Variants in PITX3 observed in about 807,000 individuals in gnomAD.
PITX3 encodes paired like homeodomain 3, also known as pituitary homeobox 3.
A neutral mutation model predicts 14.2 loss-of-function variants in PITX3; 4 were observed. The observed-to-expected ratio is 0.28, with a 90% CI of 0.14 to 0.65. The LOEUF is 0.65. Among genes scored for constraint, PITX3 ranks in the 30% least tolerant of loss-of-function variants. PITX3 has a pLI of 0.82. For synonymous variants in PITX3, 194 were observed against 204.5 expected (o/e 0.95, Z 0.44); for missense variants, 358 against 426.8 (o/e 0.84, Z 1.42).
intron 1 of PITX3, among the ~76,000 whole-genome samples, chr10:102,236,100 C>T (rs2070386961): frequency 6.6e-6 from 1 of 152,164 alleles, no homozygotes; most frequent in Admixed American, 6.5e-5. Context: ...GGGGCATAGA[C>T]CTCTAGCCGA....
At chr10:102,233,306 T>TC (rs1191786381) in intron 1 of PITX3, among the ~76,000 whole-genome samples, 1 of 138,032 alleles carries the variant, frequency 7.2e-6, no homozygotes. Flanking sequence ...TTTTCCTTCT[T>TC]TTTTTTTTTT....
At chr10:102,231,191 C>T in intron 3 of PITX3, 90 bp from the exon 4 acceptor site, 3 of 1,270,714 alleles carry the variant, frequency 2.4e-6, no homozygotes, top group Non-Finnish European at 3.1e-6. Context: ...CCAGCCGGGG[C>T]CCTGCGGTCA....
At chr10:102,234,768 G>T (rs1338763262) in intron 1 of PITX3, among the ~76,000 whole-genome samples, 2 of 152,186 alleles carry the variant, frequency 1.3e-5, no homozygotes, top group African/African-American at 2.4e-5. Flanking sequence ...GGGAAAAGCA[G>T]TCCCACCCTT....
Position 102,231,957 on chromosome 10 carries a change from G to A in PITX3, c.118+6C>T, listed in dbSNP as rs758911309. The A allele has an allele frequency of 8.1e-6, 13 of 1,601,616 alleles. No individual in the cohort carries two copies. The Admixed American group carries it at 8.3e-5, about 10-fold the overall frequency. On this transcript the variant is annotated splice_donor_region_variant and intron_variant, in intron 2 of 3. Coordinates refer to ENST00000370002, the MANE Select transcript of PITX3 (RefSeq NM_005029.4). ...GTCCTGCACCCCCGGAAGGGGGCGC[G>A]CTTACCGCTGTGCTCCTGGCCCTTG...
Position 102,230,963 on chromosome 10 carries a change from C to T in PITX3, c.460G>A (p.Gly154Ser), listed in dbSNP as rs778718804. ...GCAAGAGCCTTGGGCGGCCAGTTGC[C>T]GTACGAGTAGCCGGGGTACACCTCC... ...YEEVYPGYSY[G>S]NWPPKALAPP... Residue 154 changes from glycine to serine, a missense_variant, in exon 4 of 4, where the codon GGC (glycine) becomes AGC (serine). By Grantham distance (56) the Gly-to-Ser change is moderately conservative. Coordinates refer to ENST00000370002, the MANE Select transcript of PITX3 (RefSeq NM_005029.4). 4 of 1,607,874 alleles carry T rather than the reference C, an allele frequency of 2.5e-6. No homozygotes were observed. The highest frequency in any genetic ancestry group is 3.4e-6 in the Non-Finnish European group (4 of 1,178,060).
chr10:102,234,046 C>A (rs935884124), intron 1 of PITX3, among the ~76,000 whole-genome samples: 3 of 152,168 alleles, frequency 2.0e-5, no homozygotes, highest in African/African-American at 2.4e-5. Flanking sequence ...GTGGGAGGGG[C>A]CTCTCTGCCT....
In PITX3 at chr10:102,231,806, G is replaced by T; in HGVS notation, c.119-16C>A. On this transcript the variant is annotated splice_polypyrimidine_tract_variant and intron_variant, in intron 2 of 3. Transcript: ENST00000370002. ...TTTTCTGAGTCTGGGGGCCAGGGTG[G>T]GGGCAGGTCACAGAGCGCCCAAGCC... The T allele has an allele frequency of 6.3e-7, 1 of 1,594,668 alleles. No homozygotes were observed. Among genetic ancestry groups the T allele is most frequent in the Non-Finnish European group, 8.5e-7 (1 of 1,175,146 alleles).
chr10:102,237,177 G>C (rs1209574452), intron 1 of PITX3, among the ~76,000 whole-genome samples: 3 of 151,884 alleles, frequency 2.0e-5, no homozygotes, highest in Non-Finnish European at 2.9e-5. Context: ...AGTGTAGGGA[G>C]GCAAACAGAG....
Position 102,231,570 on chromosome 10 carries a change from C to A in PITX3, c.321+18G>T, listed in dbSNP as rs570792964. ...GGAGGGCCCGCGCGGGTGCGAGTCG[C>A]GGGTCTGGAGAGCATACCCGCACGC... On this transcript the variant is annotated intron_variant, in intron 3 of 3. Transcript: ENST00000370002. The A allele has an allele frequency of 2.0e-6, 3 of 1,534,518 alleles. No homozygotes were observed. The South Asian group carries it at 3.5e-5, about 18-fold the overall frequency.
rs768978214 is a variant in PITX3 at position 102,231,620 on chromosome 10, C to T, written c.289G>A (p.Val97Met). Residue 97 changes from valine to methionine, a missense_variant, in exon 3 of 4, where the codon GTG becomes ATG. Around this residue, in one of 3 missense-constraint regions of PITX3, gnomAD observed 50 missense variants for 96.7 expected, o/e 0.52. Transcript: ENST00000370002. The part of the protein sequence containing the change: ...PDMSTREEIA[V>M]WTNLTEARVR... The stretch of plus-strand genomic sequence containing the variant: ...CGGGCCTCGGTGAGGTTGGTCCACA[C>T]GGCGATCTCCTCGCGCGTGCTCATG... The T allele has an allele frequency of 6.2e-7, 1 of 1,610,416 alleles. No individual in the cohort carries two copies. Among genetic ancestry groups the T allele is most frequent in the Non-Finnish European group, 8.5e-7 (1 of 1,178,352 alleles).
chr10:102,238,681 A>G (rs1407539812), intron 1 of PITX3, among the ~76,000 whole-genome samples: 1 of 152,164 alleles, frequency 6.6e-6, no homozygotes, highest in African/African-American at 2.4e-5. Flanking sequence ...TCACAGACAT[A>G]ATTTCATTTA....
intron 1 of PITX3, among the ~76,000 whole-genome samples, chr10:102,235,078 A>C (rs891406804): frequency 5.3e-5 from 8 of 152,040 alleles, no homozygotes; most frequent in African/African-American, 1.9e-4. Context: ...TGCCACATCC[A>C]GGCAGACAGA....
At position 102,232,098 on chromosome 10, in the gene PITX3, G is replaced by A; in HGVS notation, c.-12-6C>T. On this transcript the variant is annotated splice_region_variant and splice_polypyrimidine_tract_variant and intron_variant, in intron 1 of 3. Transcript: ENST00000370002. The stretch of plus-strand genomic sequence containing the variant: ...AACTCCATGGAGGGAGGGCTCTGGA[G>A]GCGAGAGAAGACACAGACCAGGGTA... 10 of 1,500,114 alleles carry A rather than the reference G, an allele frequency of 6.7e-6. No individual in the cohort carries two copies. The highest frequency in any genetic ancestry group is 1.8e-5 in the Admixed American group (1 of 56,882). The allele number at this position is 1,500,114 out of a possible 1,614,324, so 92.9% of individuals were successfully genotyped here. A position where few individuals can be genotyped will look rare whatever the true frequency, so the allele number is the denominator to read the frequency against.
At chr10:102,235,179 A>ACCCCCCCCCCCCCCCCCCCCC (rs1378736201) in intron 1 of PITX3, among the ~76,000 whole-genome samples, 1 of 97,374 alleles carries the variant, frequency 1.0e-5, no homozygotes, top group Non-Finnish European at 2.0e-5. Flanking sequence ...CCCACCCCCC[A>ACCCCCCCCCCCCCCCCCCCCC]CCCCCCCACC....
intron 3 of PITX3, 121 bp downstream of exon 3, chr10:102,231,467 C>T (rs1320325259): frequency 8.8e-6 from 6 of 680,398 alleles, no homozygotes; most frequent in Non-Finnish European, 1.2e-5. Context: ...CGGCCGGGAG[C>T]CAGGGTCCGG....
intron 1 of PITX3, among the ~76,000 whole-genome samples, chr10:102,238,814 T>G (rs964826177): frequency 1.5e-4 from 23 of 152,190 alleles, no homozygotes; most frequent in Non-Finnish European, 2.9e-5. Context: ...TTCTGCTCTT[T>G]CCATGCCTCA....
chr10:102,233,817 C>G (rs1309702610), intron 1 of PITX3, among the ~76,000 whole-genome samples: 5 of 152,236 alleles, frequency 3.3e-5, no homozygotes, highest in African/African-American at 1.2e-4. Context: ...CCTTCCTACT[C>G]ATACTTCCTT....
chr10:102,239,521 TA>T (rs1281823243), intron 1 of PITX3, among the ~76,000 whole-genome samples: 1 of 152,148 alleles, frequency 6.6e-6, no homozygotes, highest in African/African-American at 2.4e-5. Context: ...TTGATCAAAA[TA>T]GGGCAAATGA....
At position 102,237,124 on chromosome 10, in the gene PITX3, C is replaced by T. The variant is rs557366420; in HGVS notation, c.-13+4209G>A. 2.6e-5 allele frequency among the ~76,000 whole-genome samples: 4 copies of T among 152,220 alleles called. No individual in the cohort carries two copies. In the South Asian group the frequency reaches 6.2e-4, roughly 24 times the overall value. On this transcript the variant is annotated intron_variant, in intron 1 of 3. Transcript: ENST00000370002. ...GCAAGTATTAGGTGTTAAGAGGGAT[C>T]CCAAGAACAGTAAGGCAGAGACCCT...
Sources: gnomAD v4.1 joint callset for allele counts (sites outside exome capture counted in the v4.1 genomes callset) on GRCh38, gnomAD v4.1.1 for gene constraint, gnomAD v4.1.1 regional missense constraint, MANE v1.5 for transcripts, NCBI Gene and HGNC (gene_info 2026-07-23, HGNC 2026-07-21) for gene names.